AGBL3: variants seen among roughly 807,000 people sequenced by gnomAD.
AGBL3 encodes the protein AGBL carboxypeptidase 3.
A neutral mutation model predicts 94.5 loss-of-function variants in AGBL3; 68 were observed. The ratio of observed to expected loss-of-function variants is 0.72; its 90% CI spans 0.59 to 0.88. AGBL3 has a LOEUF of 0.88. Ranked by LOEUF, AGBL3 falls within the 40% of genes least tolerant of loss-of-function variation. The pLI, the probability that AGBL3 is intolerant of heterozygous loss-of-function variation, is 0.00. For missense variants in AGBL3, 934 were observed against 1,103.8 expected (o/e 0.85, Z 2.18); for synonymous variants, 354 against 370.7 (o/e 0.95, Z 0.52).
At chr7:135,059,140 T>C (rs1352617731) in intron 11 of AGBL3, 29 bp from the exon 12 acceptor site, 1 of 1,521,368 alleles carries the variant, frequency 6.6e-7, no homozygotes, top group Non-Finnish European at 8.9e-7. Flanking sequence ...ACCAAAACAC[T>C]GTATAAACCA....
At chr7:135,028,455 T>C (rs1248877361) in intron 5 of AGBL3, among the ~76,000 whole-genome samples, 1 of 152,226 alleles carries the variant, frequency 6.6e-6, no homozygotes, top group African/African-American at 2.4e-5. Context: ...AGAAACCACT[T>C]TCTTTGCTCA....
At chr7:135,015,858 C>CAAAAAAA (rs780785475) in intron 4 of AGBL3, among the ~76,000 whole-genome samples, 3 of 77,130 alleles carry the variant, frequency 3.9e-5, no homozygotes, top group Admixed American at 1.6e-4. Flanking sequence ...ACTAAAAATA[C>CAAAAAAA]AAAAAAAAGA....
chr7:135,103,581 G>A (rs1824190127), intron 15 of AGBL3, among the ~76,000 whole-genome samples: 1 of 152,046 alleles, frequency 6.6e-6, no homozygotes, highest in South Asian at 2.1e-4. Flanking sequence ...TCTGACATAT[G>A]GAAACCCATA....
chr7:135,011,503 A>G (rs1358395333), intron 4 of AGBL3: 2 of 140,776 alleles, frequency 1.4e-5, no homozygotes, highest in Non-Finnish European at 3.2e-5. Flanking sequence ...AATATTTGCA[A>G]TACATAACTG....
intron 11 of AGBL3, among the ~76,000 whole-genome samples, chr7:135,047,308 T>C (rs1817459312): frequency 2.0e-5 from 3 of 152,030 alleles, no homozygotes; most frequent in Admixed American, 2.0e-4. Flanking sequence ...ATTTAGGTTG[T>C]TTCTATATAA....
At chr7:135,024,055 G>A (rs1045807781) in intron 5 of AGBL3, among the ~76,000 whole-genome samples, 1 of 152,174 alleles carries the variant, frequency 6.6e-6, no homozygotes, top group Non-Finnish European at 1.5e-5. Flanking sequence ...ATTGAGAGAG[G>A]TGAGACATGC....
In AGBL3 at chr7:135,045,811, C is replaced by T; in HGVS notation, c.1741C>T (p.Leu581=). Residue 581 remains leucine, a synonymous_variant, in exon 11 of 17, where the codon CTG becomes TTG. Transcript: ENST00000436302. The part of the protein sequence containing the change: ...DPDRTKYYRC[L]KELEEMERHI... ...TACTTTTGCCTAGTATTATCGGTGC[C>T]TGAAAGAATTAGAAGAAATGGAAAG... 1 of 1,548,864 alleles carries T rather than the reference C, an allele frequency of 6.5e-7. No homozygotes were observed. The highest frequency in any genetic ancestry group is 8.7e-7 in the Non-Finnish European group (1 of 1,145,472).
intron 16 of AGBL3, among the ~76,000 whole-genome samples, chr7:135,117,951 GA>G (rs1311080478): frequency 6.6e-6 from 1 of 152,192 alleles, no homozygotes; most frequent in Admixed American, 6.5e-5. Flanking sequence ...TCTTGCACAT[GA>G]AACTGCTGTA....
chr7:135,037,538 A>G lies in AGBL3; in HGVS notation c.1458A>G (p.Gln486=). ...GATCTAAGACATTATACTTACAGCAACGAATCTTCCCACTTATGCTAAGCA... is the reference window on the plus strand; with the variant it reads ...GATCTAAGACATTATACTTACAGCAGCGAATCTTCCCACTTATGCTAAGCA... ...SDRSKTLYLQ[Q]RIFPLMLSKN... is the part of the protein sequence containing the mutation. The change falls in exon 8 of 17, where the codon CAA becomes CAG. Residue 486 remains glutamine (Q), a synonymous_variant. Transcript: ENST00000436302. 1 of 1,545,224 alleles carries G rather than the reference A, an allele frequency of 6.5e-7. No individual in the cohort carries two copies. The highest frequency in any genetic ancestry group is 8.7e-7 in the Non-Finnish European group (1 of 1,144,068).
intron 11 of AGBL3, among the ~76,000 whole-genome samples, chr7:135,055,722 CT>C (rs1554506093): frequency 3.9e-5 from 6 of 152,056 alleles, no homozygotes; most frequent in Non-Finnish European, 8.8e-5. Flanking sequence ...TGTAGTTTTT[CT>C]TTCTTACAGT....
rs1820455846 is a variant in AGBL3, at chr7:135,076,413, CAAA to C, written c.1926_1928del (p.Lys644del). On this transcript the variant is annotated inframe_deletion, in exon 13 of 17. Coordinates refer to ENST00000436302, the MANE Select transcript of AGBL3 (RefSeq NM_178563.4). ...TTTTACTAGAAAAAACATTTGAAAACAAAGAAGGAAAGGAATTCTACCATAGCA... is the reference window on the plus strand; with the variant it reads ...TTTTACTAGAAAAAACATTTGAAAACGAAGGAAAGGAATTCTACCATAGCA... 2 of 1,546,948 alleles carry C rather than the reference CAAA, an allele frequency of 1.3e-6. No homozygotes were observed. Among genetic ancestry groups the C allele is most frequent in the Admixed American group, 2.0e-5 (1 of 50,788 alleles).
At chr7:135,094,624 C>A in intron 15 of AGBL3, 1 of 436,216 alleles carries the variant, frequency 2.3e-6, no homozygotes, top group Non-Finnish European at 4.6e-6. Context: ...GAAATACACC[C>A]AGAGCATTCT....
chr7:135,099,575 G>T (rs995852707), intron 15 of AGBL3, among the ~76,000 whole-genome samples: 5 of 152,072 alleles, frequency 3.3e-5, no homozygotes, highest in Non-Finnish European at 7.4e-5. Flanking sequence ...AATATTTGAG[G>T]TAGGAGAACT....
At chr7:135,075,830 G>A (rs1021610027) in intron 12 of AGBL3, among the ~76,000 whole-genome samples, 1 of 152,148 alleles carries the variant, frequency 6.6e-6, no homozygotes, top group Non-Finnish European at 1.5e-5. Context: ...ACAGTTAAAC[G>A]ATGTTGAATA....
chr7:135,118,131 T>C (rs1826589126), intron 16 of AGBL3, among the ~76,000 whole-genome samples: 1 of 152,194 alleles, frequency 6.6e-6, no homozygotes, highest in Non-Finnish European at 1.5e-5. Context: ...CTTTGTACTT[T>C]CTTATAATTC....
Position 135,034,136 on chromosome 7 carries a change from T to C in AGBL3, c.558-13T>C, listed in dbSNP as rs1165086815. On this transcript the variant is annotated splice_polypyrimidine_tract_variant and intron_variant, in intron 6 of 16. Coordinates refer to ENST00000436302, the MANE Select transcript of AGBL3 (RefSeq NM_178563.4). ...TCTTACGTGCTTTTTTCCCTTTCTT[T>C]CTTGTGTATTAGGGCAGAATACGAA... is the stretch of plus-strand genomic sequence containing the variant. 2.1e-6 allele frequency: 3 copies of C among 1,402,006 alleles called. No individual in the cohort carries two copies. Among genetic ancestry groups the C allele is most frequent in the Non-Finnish European group, 2.8e-6 (3 of 1,069,728 alleles). 86.8% of individuals were successfully genotyped at this position (1,402,006 alleles called of 1,614,324 possible). A position where few individuals can be genotyped will look rare whatever the true frequency, so the allele number is the denominator to read the frequency against.
intron 16 of AGBL3, chr7:135,128,508 T>C: frequency 1.3e-6 from 1 of 758,954 alleles, no homozygotes; most frequent in South Asian, 1.3e-5. Flanking sequence ...ACGATGGAGA[T>C]GAATTTAGAA....
chr7:135,007,273 G>A (rs1370445677), intron 4 of AGBL3, among the ~76,000 whole-genome samples: 1 of 151,780 alleles, frequency 6.6e-6, no homozygotes, highest in Non-Finnish European at 1.5e-5. Flanking sequence ...TATGAATATA[G>A]ATGTAAAATT....
At chr7:135,000,236 C>A (rs576211058) in intron 4 of AGBL3, among the ~76,000 whole-genome samples, 1 of 152,304 alleles carries the variant, frequency 6.6e-6, no homozygotes, top group South Asian at 2.1e-4. Context: ...TATGTGTCAG[C>A]TTGACTGGGC....
Sources: allele counts gnomAD v4.1 joint callset (sites outside exome capture counted in the v4.1 genomes callset), GRCh38; gene constraint gnomAD v4.1.1; transcripts MANE v1.5; gene names NCBI Gene and HGNC (gene_info 2026-07-23, HGNC 2026-07-21).